MYO3A: variants seen among roughly 807,000 people sequenced by gnomAD.
MYO3A encodes the protein myosin IIIA, also known as myosin-IIIa.
MYO3A carries 180 observed loss-of-function variants against 192.7 expected under a neutral mutation model. That is an observed-to-expected ratio of 0.93 (90% CI 0.83 to 1.06). The LOEUF (loss-of-function observed/expected upper bound fraction) is 1.06, where lower values mean the gene tolerates loss of function less well. Ranked by LOEUF, MYO3A falls within the 50% of genes least tolerant of loss-of-function variation. The pLI is 0.00. For missense variants in MYO3A, 1,896 were observed against 1,905.0 expected, an observed-to-expected ratio of 1.00 and a Z score of 0.09; for synonymous variants, 628 against 645.3, an observed-to-expected ratio of 0.97 and a Z score of 0.41.
intron 5 of MYO3A, 39 bp from the exon 6 acceptor site, chr10:25,997,120 G>A: frequency 1.3e-6 from 2 of 1,517,588 alleles, no homozygotes; most frequent in East Asian, 2.3e-5. Flanking sequence ...ATTGTTTGAT[G>A]CTTTTGTTAA....
At chr10:26,158,611 ATATAT>A (rs1232865547) in intron 26 of MYO3A, among the ~76,000 whole-genome samples, 5 of 152,212 alleles carry the variant, frequency 3.3e-5, no homozygotes, top group Middle Eastern at 3.4e-3. Flanking sequence ...TATATACTAA[ATATAT>A]TTTATTGAGT....
intron 21 of MYO3A, among the ~76,000 whole-genome samples, chr10:26,144,176 G>T (rs1477640540): frequency 1.3e-5 from 2 of 150,956 alleles, no homozygotes; most frequent in Non-Finnish European, 2.9e-5. Flanking sequence ...ATTCAAGCTG[G>T]TTAAAATGAA....
At chr10:26,100,963 G>A (rs2131587049) in intron 17 of MYO3A, among the ~76,000 whole-genome samples, 1 of 152,238 alleles carries the variant, frequency 6.6e-6, no homozygotes, top group East Asian at 1.9e-4. Context: ...TTAACTTTCT[G>A]TCTCATTGAT....
At chr10:25,963,539 T>C (rs1358502932) in intron 4 of MYO3A, among the ~76,000 whole-genome samples, 1 of 152,190 alleles carries the variant, frequency 6.6e-6, no homozygotes, top group African/African-American at 2.4e-5. Flanking sequence ...TGTATATTTG[T>C]GAGGGGTCAG....
intron 7 of MYO3A, among the ~76,000 whole-genome samples, chr10:26,020,978 C>A (rs1252409944): frequency 1.3e-5 from 2 of 152,178 alleles, no homozygotes; most frequent in African/African-American, 4.8e-5. Flanking sequence ...TGGCTTAAAC[C>A]TTTTGCATTC....
chr10:26,082,089 A>T (rs1224184061), intron 14 of MYO3A, among the ~76,000 whole-genome samples: 1 of 152,166 alleles, frequency 6.6e-6, no homozygotes, highest in Non-Finnish European at 1.5e-5. Flanking sequence ...ATCTGCCATG[A>T]TGATTGACCC....
chr10:26,174,689 A>G (rs1842229643), intron 30 of MYO3A, 132 bp downstream of exon 30: 10 of 775,584 alleles, frequency 1.3e-5, no homozygotes, highest in Non-Finnish European at 2.1e-5. Context: ...TTTTAATAAA[A>G]TGTCTCAGGG....
intron 33 of MYO3A, 70 bp from the exon 34 acceptor site, chr10:26,202,894 A>C (rs1843739401): frequency 1.3e-6 from 2 of 1,539,270 alleles, no homozygotes; most frequent in Non-Finnish European, 1.8e-6. Context: ...AAGAAAAAAA[A>C]GTATCCTGTA....
rs762330440 is a variant in MYO3A, at chr10:26,174,559, T to C, written c.4293+2T>C. 2.5e-6 allele frequency: 4 copies of C among 1,610,762 alleles called. No individual in the cohort carries two copies. The South Asian group carries it at 4.4e-5, about 18-fold the overall frequency. On this transcript the variant is annotated splice_donor_variant, in intron 30 of 34. Coordinates refer to ENST00000642920, the MANE Select transcript of MYO3A (RefSeq NM_017433.5). LOFTEE classifies it high-confidence loss of function. ...GGTTTGGCAATTTTTTCAAAACAGG[T>C]ATGTGAATAAATAAATTTATTTACT...
At chr10:26,103,177 ACCCT>A (rs1837577649) in intron 17 of MYO3A, among the ~76,000 whole-genome samples, 1 of 152,120 alleles carries the variant, frequency 6.6e-6, no homozygotes, top group South Asian at 2.1e-4. Context: ...TGGGCATGGA[ACCCT>A]CCGGGCCATG....
At chr10:26,082,743 T>G (rs1406748520) in intron 14 of MYO3A, among the ~76,000 whole-genome samples, 1 of 133,634 alleles carries the variant, frequency 7.5e-6, no homozygotes, top group Non-Finnish European at 1.7e-5. Context: ...GGTCTCTTTC[T>G]CTCTCTCTCT....
Position 26,197,074 on chromosome 10 carries a change from C to G in MYO3A, c.4545+3763C>G, listed in dbSNP as rs189789106. ...CAGGGGTTTGGTTGAGGTCCCGCTG[C>G]GCACCACACAGAAAGCCAATCACTG... On this transcript the variant is annotated intron_variant, in intron 32 of 34. Coordinates refer to ENST00000642920, the MANE Select transcript of MYO3A (RefSeq NM_017433.5). 2.0e-3 allele frequency among the ~76,000 whole-genome samples: 301 copies of G among 152,298 alleles called. 2 individuals carry two copies. The highest frequency in any genetic ancestry group is 7.0e-3 in the African/African-American group (290 of 41,554).
intron 23 of MYO3A, among the ~76,000 whole-genome samples, chr10:26,148,118 G>A (rs919399636): frequency 6.6e-6 from 1 of 152,082 alleles, no homozygotes; most frequent in Admixed American, 6.6e-5. Flanking sequence ...AAAATTTGAT[G>A]AGTTTTTGAC....
chr10:26,034,033 C>T (rs1335673497), intron 10 of MYO3A, among the ~76,000 whole-genome samples: 1 of 152,012 alleles, frequency 6.6e-6, no homozygotes, highest in Admixed American at 6.6e-5. Context: ...TCCATGACAG[C>T]CCACAGTGGG....
intron 10 of MYO3A, among the ~76,000 whole-genome samples, chr10:26,029,802 T>TA (rs751783211): frequency 1.3e-5 from 2 of 152,352 alleles, no homozygotes; most frequent in African/African-American, 2.4e-5. Context: ...TTCATTTGTT[T>TA]ATTTAATATT....
chr10:26,088,267 A>G lies in MYO3A; in HGVS notation c.1424A>G (p.Asn475Ser), dbSNP rs746789352. 1.1e-5 allele frequency: 17 copies of G among 1,613,650 alleles called. No individual in the cohort carries two copies. The highest frequency in any genetic ancestry group is 1.4e-5 in the Non-Finnish European group (16 of 1,179,804). The stretch of plus-strand genomic sequence containing the variant: ...AACAATTTGGTAGAAGCCTTTGGCA[A>G]TGCCTGCACTATTATAAATGACAAT... ...QVNNLVEAFG[N>S]ACTIINDNSS... The change falls in exon 15 of 35, where the codon AAT (asparagine) becomes AGT (serine). Residue 475 changes from asparagine to serine, a missense_variant. Asn to Ser is a conservative substitution (Grantham distance 46, BLOSUM62 1). Coordinates refer to ENST00000642920, the MANE Select transcript of MYO3A (RefSeq NM_017433.5).
At chr10:25,961,469 A>G (rs990644672) in intron 4 of MYO3A, among the ~76,000 whole-genome samples, 1 of 152,190 alleles carries the variant, frequency 6.6e-6, no homozygotes, top group Non-Finnish European at 1.5e-5. Flanking sequence ...ACATCCAGAT[A>G]TAATGAATCA....
At chr10:26,132,197 G>T (rs80282905) in intron 20 of MYO3A, among the ~76,000 whole-genome samples, 1 of 152,054 alleles carries the variant, frequency 6.6e-6, no homozygotes, top group African/African-American at 2.4e-5. Flanking sequence ...GTTTTCTTCC[G>T]TCGGAAAGGG....
At chr10:26,043,640 T>A (rs779654698) in intron 10 of MYO3A, among the ~76,000 whole-genome samples, 13 of 152,152 alleles carry the variant, frequency 8.5e-5, no homozygotes, top group Non-Finnish European at 1.8e-4. Context: ...CCAGCAATGT[T>A]CACTTAAGGC....
Sources: gnomAD v4.1 joint callset for allele counts (sites outside exome capture counted in the v4.1 genomes callset) on GRCh38, gnomAD v4.1.1 for gene constraint, MANE v1.5 for transcripts, NCBI Gene and HGNC (gene_info 2026-07-23, HGNC 2026-07-21) for gene names.